DNAH11: variants seen among roughly 807,000 people sequenced by gnomAD.
DNAH11 encodes dynein axonemal heavy chain 11.
DNAH11 carries 442 observed loss-of-function variants against 526.0 expected under a neutral mutation model. The observed-to-expected ratio is 0.84, with a 90% confidence interval of 0.78 to 0.91. DNAH11 has a LOEUF of 0.91. Ranked by LOEUF, DNAH11 falls within the 40% of genes least tolerant of loss-of-function variation. The probability of loss-of-function intolerance (pLI) is 0.00; values close to 1 mark genes in which losing one functional copy is unlikely to be tolerated. For synonymous variants in DNAH11, 2,461 were observed against 1,935.9 expected, an observed-to-expected ratio of 1.27 and a Z score of -7.12; for missense variants, 6,989 against 5,448.7, an observed-to-expected ratio of 1.28 and a Z score of -8.90.
chr7:21,561,753 C>G (rs1783468061), intron 5 of DNAH11, among the ~76,000 whole-genome samples: 1 of 152,184 alleles, frequency 6.6e-6, no homozygotes, highest in African/African-American at 2.4e-5. Context: ...CCAAAGATGA[C>G]AACCCTGCTC....
At chr7:21,828,228 C>T (rs1790391317) in intron 65 of DNAH11, among the ~76,000 whole-genome samples, 3 of 152,178 alleles carry the variant, frequency 2.0e-5, no homozygotes, top group African/African-American at 7.2e-5. Context: ...GGATTGCAGG[C>T]ATGAGCCACC....
At chr7:21,711,076 T>C (rs1251969080) in intron 41 of DNAH11, among the ~76,000 whole-genome samples, 1 of 152,208 alleles carries the variant, frequency 6.6e-6, no homozygotes, top group Non-Finnish European at 1.5e-5. Context: ...TGATTGAAAT[T>C]AACTAGTTCC....
At position 21,788,477 on chromosome 7, in the gene DNAH11, C is replaced by G. The variant is rs1213123939; in HGVS notation, c.9925-764C>G. Among the ~76,000 whole-genome samples, 2 of 151,926 alleles carry G rather than the reference C, an allele frequency of 1.3e-5. 1 individual carries two copies. Among genetic ancestry groups the G allele is most frequent in the African/African-American group, 4.8e-5 (2 of 41,388 alleles). ...GTCTCAGCCCCGTCTTCTACTTGTA[C>G]AGTAGGTGAAAAGACAAGCATAGAG... On this transcript the variant is annotated intron_variant, in intron 60 of 81. Coordinates refer to ENST00000409508, the MANE Select transcript of DNAH11 (RefSeq NM_001277115.2).
intron 42 of DNAH11, among the ~76,000 whole-genome samples, chr7:21,714,120 A>T (rs1383703153): frequency 6.6e-6 from 1 of 152,232 alleles, no homozygotes; most frequent in Non-Finnish European, 1.5e-5. Context: ...TATCCTGTGG[A>T]GATTTGTGCT....
chr7:21,871,152 T>C (rs796597420), intron 73 of DNAH11, among the ~76,000 whole-genome samples: 3 of 152,322 alleles, frequency 2.0e-5, no homozygotes, highest in African/African-American at 7.2e-5. Flanking sequence ...TAGTAGTTAA[T>C]CGAAAGCCCA....
At chr7:21,773,016 G>C (rs1787506741) in intron 55 of DNAH11, among the ~76,000 whole-genome samples, 1 of 152,180 alleles carries the variant, frequency 6.6e-6, no homozygotes, top group South Asian at 2.1e-4. Context: ...CATATTAATT[G>C]ATTTGTAGGC....
intron 69 of DNAH11, among the ~76,000 whole-genome samples, chr7:21,863,113 A>G (rs1180050183): frequency 2.0e-5 from 3 of 152,094 alleles, no homozygotes; most frequent in Non-Finnish European, 2.9e-5. Context: ...GTGATAAGAA[A>G]AAAGAAACCC....
chr7:21,838,334 T>C (rs1003852916), intron 65 of DNAH11, among the ~76,000 whole-genome samples: 2 of 152,228 alleles, frequency 1.3e-5, no homozygotes, highest in African/African-American at 4.8e-5. Context: ...CAAATGTTAA[T>C]GATTTGACCT....
chr7:21,593,391 C>T (rs1241803642), intron 14 of DNAH11, among the ~76,000 whole-genome samples: 1 of 152,124 alleles, frequency 6.6e-6, no homozygotes, highest in Admixed American at 6.5e-5. Context: ...GTGGAGGCAG[C>T]TGAGGAGATC....
In DNAH11 at chr7:21,818,255, A is replaced by C. The variant is rs748163307; in HGVS notation, c.10607A>C (p.Asp3536Ala). Residue 3536 changes from aspartate (D) to alanine (A), a missense_variant, in exon 65 of 82, where the codon GAT becomes GCT. Physicochemically the swap from Asp to Ala is moderately radical, Grantham distance 126 (BLOSUM62 -2). Transcript: ENST00000409508. ...NAIETALAFG[D>A]VILIENLEET... ...ATTGAAACTGCTTTGGCCTTTGGTG[A>C]TGTCATCTTAATTGAAAATCTCGAG... 6.2e-7 allele frequency: 1 copy of C among 1,612,298 alleles called. No individual in the cohort carries two copies. The highest frequency in any genetic ancestry group is 8.5e-7 in the Non-Finnish European group (1 of 1,179,020).
At chr7:21,630,908 T>C (rs1044550453) in intron 25 of DNAH11, among the ~76,000 whole-genome samples, 1 of 152,238 alleles carries the variant, frequency 6.6e-6, no homozygotes, top group Non-Finnish European at 1.5e-5. Context: ...TTGTAGACAA[T>C]CTTCACTGCT....
chr7:21,608,008 C>G (rs557961061), intron 20 of DNAH11, among the ~76,000 whole-genome samples: 3 of 139,828 alleles, frequency 2.1e-5, no homozygotes, highest in African/African-American at 7.9e-5. Flanking sequence ...TAGTAAGTGA[C>G]AGAACTAGGA....
At chr7:21,597,493 T>C (rs2390541) in intron 14 of DNAH11, among the ~76,000 whole-genome samples, 61,970 of 152,044 alleles carry the variant, frequency 0.41, 13,114 homozygotes, top group East Asian at 0.75. Context: ...CTCGCAGTTC[T>C]AGATGGCTGG....
chr7:21,717,972 G>C (rs763755769), intron 43 of DNAH11, 47 bp downstream of exon 43: 4 of 1,560,338 alleles, frequency 2.6e-6, no homozygotes, highest in Non-Finnish European at 3.5e-6. Context: ...TGATGCGGTA[G>C]TGTTTGTTGA....
intron 25 of DNAH11, among the ~76,000 whole-genome samples, chr7:21,633,322 G>A (rs563953102): frequency 3.4e-4 from 52 of 152,264 alleles, no homozygotes; most frequent in Non-Finnish European, 6.0e-4. Context: ...TGTCCATTAG[G>A]TCTATTTGGT....
chr7:21,701,453 CTAATTTTTG>C (rs937484356), intron 36 of DNAH11, among the ~76,000 whole-genome samples: 18 of 152,068 alleles, frequency 1.2e-4, no homozygotes, highest in Non-Finnish European at 2.2e-4. Context: ...TCACGCCCAG[CTAATTTTTG>C]TATTTTTTGC....
Position 21,559,583 on chromosome 7 carries a change from T to G in DNAH11, c.693-20T>G. 6.4e-7 allele frequency: 1 copy of G among 1,551,040 alleles called. No homozygotes were observed. Among genetic ancestry groups the G allele is most frequent in the Non-Finnish European group, 8.7e-7 (1 of 1,143,950 alleles). Reference sequence around the variant, plus strand: ...AAAATGATTCATCTTTGAATTATTTTATTATCTTAATGTTTGTAGGCCACC... The same window carrying G: ...AAAATGATTCATCTTTGAATTATTTGATTATCTTAATGTTTGTAGGCCACC... On this transcript the variant is annotated intron_variant, in intron 3 of 81. Coordinates refer to ENST00000409508, the MANE Select transcript of DNAH11 (RefSeq NM_001277115.2).
At chr7:21,569,138 T>A (rs761145791) in intron 6 of DNAH11, among the ~76,000 whole-genome samples, 56 of 152,198 alleles carry the variant, frequency 3.7e-4, no homozygotes, top group Non-Finnish European at 7.3e-4. Flanking sequence ...TTTTCATTAA[T>A]GGGAAATGAA....
intron 51 of DNAH11, among the ~76,000 whole-genome samples, chr7:21,748,164 CTA>C (rs1786233513): frequency 1.9e-3 from 2 of 1,080 alleles, no homozygotes; most frequent in African/African-American, 9.3e-3. Context: ...TAGTCTCTCA[CTA>C]TACTATTTAT....
Sources: allele counts gnomAD v4.1 joint callset (sites outside exome capture counted in the v4.1 genomes callset), GRCh38; gene constraint gnomAD v4.1.1; transcripts MANE v1.5; gene names NCBI Gene and HGNC (gene_info 2026-07-23, HGNC 2026-07-21).